CENPP: variants seen among roughly 807,000 people sequenced by gnomAD.
CENPP encodes centromere protein P.
In CENPP, 24 loss-of-function variants were observed where a neutral mutation model predicts 35.6. The ratio of observed to expected loss-of-function variants is 0.67; its 90% CI spans 0.49 to 0.95. CENPP has a LOEUF of 0.95. Ranked by LOEUF, CENPP falls within the 40% of genes least tolerant of loss-of-function variation. CENPP has a pLI of 0.00. For missense variants in CENPP, 332 were observed against 345.3 expected (o/e 0.96, Z 0.31); for synonymous variants, 120 against 125.5 (o/e 0.96, Z 0.29).
chr9:92,463,916 G>A (rs189440515), intron 5 of CENPP, among the ~76,000 whole-genome samples: 1 of 152,224 alleles, frequency 6.6e-6, no homozygotes, highest in East Asian at 1.9e-4. Flanking sequence ...CTAAGTGAAA[G>A]GTCACCTCTT....
chr9:92,618,874 C>T lies in CENPP; in HGVS notation c.*5725C>T. On this transcript the variant is annotated 3_prime_UTR_variant, in exon 8 of 8. Coordinates refer to ENST00000375587, the MANE Select transcript of CENPP (RefSeq NM_001012267.3). ...AAGAATGTGGAACATTCCGCAAATACTGGGTGCAGGGTTTAGCACCCCTGA... is the reference window on the plus strand; with the variant it reads ...AAGAATGTGGAACATTCCGCAAATATTGGGTGCAGGGTTTAGCACCCCTGA... The T allele has an allele frequency of 5.8e-6, 2 of 344,654 alleles. No homozygotes were observed. The highest frequency in any genetic ancestry group is 1.1e-5 in the Non-Finnish European group (2 of 175,304). 21.3% of individuals were successfully genotyped at this position (344,654 alleles called of 1,614,324 possible). A position where few individuals can be genotyped will look rare whatever the true frequency, so the allele number is the denominator to read the frequency against.
At chr9:92,481,583 T>C (rs1003426102) in intron 5 of CENPP, among the ~76,000 whole-genome samples, 2 of 152,196 alleles carry the variant, frequency 1.3e-5, no homozygotes, top group Non-Finnish European at 2.9e-5. Flanking sequence ...TAAAATTTAA[T>C]CAGAAATTTA....
chr9:92,569,241 T>C (rs1850073130), intron 5 of CENPP, among the ~76,000 whole-genome samples: 1 of 152,258 alleles, frequency 6.6e-6, no homozygotes, highest in Non-Finnish European at 1.5e-5. Flanking sequence ...CTAATTCATC[T>C]TGAATTAATT....
At chr9:92,439,322 G>A (rs1451518016) in intron 5 of CENPP, among the ~76,000 whole-genome samples, 1 of 151,684 alleles carries the variant, frequency 6.6e-6, no homozygotes, top group Admixed American at 6.6e-5. Flanking sequence ...GTGAAAATTA[G>A]GTAATTTTTT....
intron 5 of CENPP, among the ~76,000 whole-genome samples, chr9:92,548,927 A>C (rs1849529216): frequency 6.6e-6 from 1 of 152,212 alleles, no homozygotes; most frequent in Admixed American, 6.6e-5. Flanking sequence ...TAAAGGCCAA[A>C]GAAAAGCCAA....
At chr9:92,509,884 A>G (rs1847231480) in intron 5 of CENPP, 1 of 1,594,442 alleles carries the variant, frequency 6.3e-7, no homozygotes, top group Non-Finnish European at 8.5e-7. Flanking sequence ...TCATTGAAAA[A>G]CAAATATTAA....
At chr9:92,580,835 T>C (rs1261073563) in intron 5 of CENPP, among the ~76,000 whole-genome samples, 1 of 152,276 alleles carries the variant, frequency 6.6e-6, no homozygotes, top group Admixed American at 6.5e-5. Flanking sequence ...ATTTCTTGCC[T>C]TCTGCTAGCT....
At chr9:92,445,741 G>C (rs1844536328) in intron 5 of CENPP, among the ~76,000 whole-genome samples, 1 of 151,952 alleles carries the variant, frequency 6.6e-6, no homozygotes, top group Admixed American at 6.6e-5. Context: ...AAAATTAGCT[G>C]GGCGTGTTGG....
intron 5 of CENPP, chr9:92,512,175 T>C (rs1333705724): frequency 3.2e-6 from 4 of 1,259,142 alleles, no homozygotes; most frequent in Admixed American, 3.5e-5. Context: ...TATACATACA[T>C]GTACACACAT....
intron 5 of CENPP, among the ~76,000 whole-genome samples, chr9:92,447,858 T>C (rs527246753): frequency 2.0e-5 from 3 of 152,294 alleles, no homozygotes; most frequent in African/African-American, 4.8e-5. Context: ...AGGGACCTTA[T>C]GAGTTCGAAG....
At chr9:92,560,868 CT>C (rs58467942) in intron 5 of CENPP, among the ~76,000 whole-genome samples, 37,304 of 126,038 alleles carry the variant, frequency 0.3, 5,438 homozygotes, top group East Asian at 0.71. Context: ...TTTTTCTTGT[CT>C]TTTTTTTTTT....
intron 5 of CENPP, among the ~76,000 whole-genome samples, chr9:92,437,239 GGAATTAC>G (rs1844267333): frequency 6.6e-6 from 1 of 152,042 alleles, no homozygotes; most frequent in Non-Finnish European, 1.5e-5. Flanking sequence ...GATTTTGGTA[GGAATTAC>G]ATTAAAACTG....
intron 5 of CENPP, among the ~76,000 whole-genome samples, chr9:92,427,756 A>G (rs532366731): frequency 1.3e-5 from 2 of 152,356 alleles, no homozygotes; most frequent in African/African-American, 4.8e-5. Context: ...CTGGGATTAC[A>G]GGCTTGAGCC....
intron 5 of CENPP, among the ~76,000 whole-genome samples, chr9:92,437,195 T>G (rs1461430397): frequency 6.6e-6 from 1 of 152,132 alleles, no homozygotes; most frequent in Non-Finnish European, 1.5e-5. Flanking sequence ...AGAGCGAAAC[T>G]CTGTCTCAAA....
At chr9:92,536,355 G>C (rs1196697314) in intron 5 of CENPP, among the ~76,000 whole-genome samples, 1 of 152,106 alleles carries the variant, frequency 6.6e-6, no homozygotes, top group East Asian at 1.9e-4. Context: ...GATGTCACTT[G>C]AGCTTTATCA....
chr9:92,472,203 A>C (rs943059110), intron 5 of CENPP, among the ~76,000 whole-genome samples: 12 of 151,958 alleles, frequency 7.9e-5, no homozygotes, highest in Non-Finnish European at 1.5e-4. Context: ...CTAAGAATAC[A>C]AAAATTAGCT....
chr9:92,520,065 T>TTTTTTTTTTTTTTTTTTTGAGACG (rs1427229245), intron 5 of CENPP, among the ~76,000 whole-genome samples: 1 of 146,736 alleles, frequency 6.8e-6, no homozygotes, highest in Non-Finnish European at 1.5e-5. Context: ...GAAGATTTCT[T>TTTTTTTTTTTTTTTTTTTGAGACG]GAGGCCAGGA....
rs556037843 is a variant in CENPP at position 92,612,385 on chromosome 9, C to T, written c.645-138C>T. The T allele has an allele frequency of 2.5e-3, 1,669 of 672,760 alleles. 13 individuals carry two copies. The highest frequency in any genetic ancestry group is 2.7e-3 in the Non-Finnish European group (1,005 of 371,240). The allele number at this position is 672,760 out of a possible 1,614,324, so 41.7% of individuals were successfully genotyped here. On this transcript the variant is annotated intron_variant, in intron 6 of 7. Transcript: ENST00000375587. The stretch of plus-strand genomic sequence containing the variant: ...CCATTTGCCTGTGCTACTGACTGTG[C>T]CTCTTCTTGGCTGTGGATTGGGGTT...
At chr9:92,451,132 T>C in intron 5 of CENPP, among the ~76,000 whole-genome samples, 1 of 149,228 alleles carries the variant, frequency 6.7e-6, no homozygotes, top group Non-Finnish European at 1.5e-5. Flanking sequence ...TGTCTTTTGT[T>C]GCCATTGCTT....
Sources: gnomAD v4.1 joint callset for allele counts (sites outside exome capture counted in the v4.1 genomes callset) on GRCh38, gnomAD v4.1.1 for gene constraint, MANE v1.5 for transcripts, NCBI Gene and HGNC (gene_info 2026-07-23, HGNC 2026-07-21) for gene names.